EYS: variants seen among roughly 807,000 people sequenced by gnomAD.
The protein encoded by EYS is EGF-like photoreceptor maintenance factor, also known as protein eyes shut homolog.
A neutral mutation model predicts 282.1 loss-of-function variants in EYS; 250 were observed. The ratio of observed to expected loss-of-function variants is 0.89; its 90% CI spans 0.80 to 0.98. EYS has a LOEUF of 0.98. Ranked by LOEUF, EYS falls within the 50% of genes least tolerant of loss-of-function variation. EYS has a pLI of 0.00. For missense variants in EYS, 4,016 were observed against 3,709.0 expected, an observed-to-expected ratio of 1.08 and a Z score of -2.15; for synonymous variants, 1,355 against 1,282.9, an observed-to-expected ratio of 1.06 and a Z score of -1.20.
chr6:63,991,655 G>C (rs1465788366), intron 34 of EYS, among the ~76,000 whole-genome samples: 3 of 151,336 alleles, frequency 2.0e-5, no homozygotes, highest in African/African-American at 7.3e-5. Flanking sequence ...GTCTCAAAAG[G>C]AGAAGAGAGA....
At chr6:64,438,687 T>C (rs1350035719) in intron 27 of EYS, among the ~76,000 whole-genome samples, 1 of 151,672 alleles carries the variant, frequency 6.6e-6, no homozygotes, top group Non-Finnish European at 1.5e-5. Flanking sequence ...ATTCAAATCA[T>C]GTACCGTTTG....
At chr6:65,646,150 A>G (rs1767443673) in intron 1 of EYS, among the ~76,000 whole-genome samples, 1 of 152,080 alleles carries the variant, frequency 6.6e-6, no homozygotes, top group African/African-American at 2.4e-5. Flanking sequence ...AAAGTAAAGA[A>G]AGACGGAATC....
At chr6:65,472,905 G>A (rs1409381126) in intron 5 of EYS, among the ~76,000 whole-genome samples, 2 of 150,950 alleles carry the variant, frequency 1.3e-5, no homozygotes, top group Admixed American at 1.3e-4. Flanking sequence ...CCTCTCTTGT[G>A]GGTCCAAACT....
In EYS at chr6:64,841,391, G is replaced by C. The variant is rs1025992157; in HGVS notation, c.2993-18569C>G. On this transcript the variant is annotated intron_variant, in intron 19 of 42. Coordinates refer to ENST00000503581, the MANE Select transcript of EYS (RefSeq NM_001142800.2). ...ATTAATATGCAAGTGAAATTACCAT[G>C]AAATATTTTTCATGCCAAATATAAA... 2.0e-5 allele frequency among the ~76,000 whole-genome samples: 3 copies of C among 152,040 alleles called. No homozygotes were observed. The East Asian group carries it at 5.8e-4, about 29-fold the overall frequency.
At chr6:63,990,786 ACT>A (rs1290808914) in intron 34 of EYS, among the ~76,000 whole-genome samples, 1 of 151,476 alleles carries the variant, frequency 6.6e-6, no homozygotes, top group African/African-American at 2.4e-5. Flanking sequence ...GACCTGGCTT[ACT>A]CTCAATATCT....
At chr6:64,414,446 T>C (rs1190981284) in intron 28 of EYS, among the ~76,000 whole-genome samples, 1 of 152,108 alleles carries the variant, frequency 6.6e-6, no homozygotes, top group South Asian at 2.1e-4. Context: ...ATATATACTA[T>C]GTTCCAGCAT....
chr6:65,266,957 C>T (rs1363127225), intron 12 of EYS, among the ~76,000 whole-genome samples: 2 of 137,232 alleles, frequency 1.5e-5, no homozygotes, highest in East Asian at 4.1e-4. Flanking sequence ...TATATATATG[C>T]ACACACACAC....
intron 26 of EYS, among the ~76,000 whole-genome samples, chr6:64,527,721 A>G (rs886890375): frequency 3.3e-5 from 5 of 151,740 alleles, no homozygotes; most frequent in African/African-American, 1.2e-4. Context: ...TATTTTATAT[A>G]TGATATTTAA....
intron 12 of EYS, among the ~76,000 whole-genome samples, chr6:65,060,057 G>A (rs1037918955): frequency 1.1e-4 from 17 of 151,828 alleles, no homozygotes; most frequent in African/African-American, 3.9e-4. Context: ...CCATGAGCTT[G>A]TATTTCTAAA....
chr6:64,226,733 T>C (rs577443307), intron 31 of EYS, among the ~76,000 whole-genome samples: 1 of 152,240 alleles, frequency 6.6e-6, no homozygotes, highest in African/African-American at 2.4e-5. Flanking sequence ...ATCAAACTAA[T>C]TCTATAAGTC....
chr6:65,481,724 A>G (rs1250995161), intron 5 of EYS, among the ~76,000 whole-genome samples: 2 of 151,726 alleles, frequency 1.3e-5, no homozygotes, highest in African/African-American at 4.8e-5. Context: ...AATTTTTTGT[A>G]TTTTTATTTT....
chr6:65,398,349 A>C (rs1766366582), intron 7 of EYS, among the ~76,000 whole-genome samples: 1 of 152,088 alleles, frequency 6.6e-6, no homozygotes, highest in South Asian at 2.1e-4. Context: ...TCTTTGAAAA[A>C]GTCAACAAAA....
chr6:65,362,002 T>G (rs1173495435), intron 8 of EYS, among the ~76,000 whole-genome samples: 1 of 152,152 alleles, frequency 6.6e-6, no homozygotes, highest in Non-Finnish European at 1.5e-5. Flanking sequence ...ATCTGTAGTA[T>G]CTCATAAAAG....
At chr6:65,173,308 A>G (rs1765148425) in intron 12 of EYS, among the ~76,000 whole-genome samples, 1 of 151,458 alleles carries the variant, frequency 6.6e-6, no homozygotes, top group Non-Finnish European at 1.5e-5. Context: ...GTAGAACTGT[A>G]AAATATTTAG....
intron 1 of EYS, among the ~76,000 whole-genome samples, chr6:65,645,827 A>G (rs1767431221): frequency 6.6e-6 from 1 of 152,100 alleles, no homozygotes; most frequent in Admixed American, 6.6e-5. Context: ...ATGCTCAATT[A>G]GAGATGAAAT....
intron 2 of EYS, among the ~76,000 whole-genome samples, chr6:65,502,277 T>C (rs1021910776): frequency 2.6e-5 from 4 of 151,754 alleles, no homozygotes; most frequent in Non-Finnish European, 5.9e-5. Context: ...CCAATAATCA[T>C]ACTCAACTCA....
intron 1 of EYS, among the ~76,000 whole-genome samples, chr6:65,705,824 T>C (rs559896993): frequency 1.1e-4 from 17 of 152,236 alleles, no homozygotes; most frequent in African/African-American, 4.1e-4. Flanking sequence ...ATTAAAACTA[T>C]TAAGTTAAAA....
chr6:64,986,640 C>T (rs1396817357), intron 14 of EYS, among the ~76,000 whole-genome samples: 2 of 151,110 alleles, frequency 1.3e-5, no homozygotes, highest in Non-Finnish European at 1.5e-5. Context: ...CCAATTGTCT[C>T]CTCTTAGAAA....
At chr6:64,996,283 A>C (rs1214521147) in intron 14 of EYS, among the ~76,000 whole-genome samples, 6 of 152,248 alleles carry the variant, frequency 3.9e-5, no homozygotes, top group Admixed American at 2.6e-4. Context: ...CTAATAGTTT[A>C]TTATATTATT....
Sources: allele counts gnomAD v4.1 joint callset (sites outside exome capture counted in the v4.1 genomes callset), GRCh38; gene constraint gnomAD v4.1.1; transcripts MANE v1.5; gene names NCBI Gene and HGNC (gene_info 2026-07-23, HGNC 2026-07-21).